The following CD180 variants were observed in gnomAD, a reference collection of about 807,000 sequenced individuals.
CD180 encodes the protein CD180 antigen.
A neutral mutation model predicts 10.7 loss-of-function variants in CD180; 11 were observed. That is an observed-to-expected ratio of 1.03 (90% CI 0.65 to 1.70). CD180 has a LOEUF of 1.70. Among genes scored for constraint, CD180 ranks in the 40% most tolerant of loss-of-function variants. CD180 has a pLI of 0.00. For missense variants in CD180, 729 were observed against 775.2 expected (o/e 0.94, Z 0.71); for synonymous variants, 286 against 294.6 (o/e 0.97, Z 0.30).
chr5:67,186,719 TATG>T (rs1742201162), intron 1 of CD180, among the ~76,000 whole-genome samples: 1 of 152,242 alleles, frequency 6.6e-6, no homozygotes, highest in Non-Finnish European at 1.5e-5. Context: ...CAGCATTGTC[TATG>T]AAGTATTCTT....
Position 67,184,143 on chromosome 5 carries a change from T to A in CD180, c.700A>T (p.Asn234Tyr). ...AGACCATTGAATATAACAGACAAAT[T>A]TGGAGTTCCTCCAAAGTTCAAACTT... is the stretch of plus-strand genomic sequence containing the variant. Reference protein sequence around the residue: ...FQSLNFGGTPNLSVIFNGLQN... With the variant: ...FQSLNFGGTPYLSVIFNGLQN... The change falls in exon 3 of 3, where the codon AAT becomes TAT. Residue 234 changes from asparagine (N) to tyrosine (Y), a missense_variant. Transcript: ENST00000256447. 1 of 1,614,098 alleles carries A rather than the reference T, an allele frequency of 6.2e-7. No individual in the cohort carries two copies. The highest frequency in any genetic ancestry group is 8.5e-7 in the Non-Finnish European group (1 of 1,180,002).
In CD180 at chr5:67,184,249, C is replaced by T; in HGVS notation, c.594G>A (p.Gln198=). The change falls in exon 3 of 3, where the codon CAG becomes CAA. Residue 198 remains glutamine (Q), a synonymous_variant. Coordinates refer to ENST00000256447, the MANE Select transcript of CD180 (RefSeq NM_005582.3). ...ISREDMRSLE[Q]AINLSLNFNG... ...TGAAGTTCAGGCTTAGGTTGATGGC[C>T]TGCTCCAGAGACCTCATGTCTTCTC... 1 of 1,614,060 alleles carries T rather than the reference C, an allele frequency of 6.2e-7. No homozygotes were observed. Among genetic ancestry groups the T allele is most frequent in the Non-Finnish European group, 8.5e-7 (1 of 1,179,970 alleles).
At chr5:67,196,110 A>T (rs546750686) in intron 1 of CD180, among the ~76,000 whole-genome samples, 3 of 152,334 alleles carry the variant, frequency 2.0e-5, no homozygotes, top group East Asian at 3.9e-4. Context: ...ATTCAGAGTG[A>T]TCTTTTCAAT....
Position 67,182,816 on chromosome 5 carries a change from T to C in CD180, c.*41A>G, listed in dbSNP as rs5744528. 1,986 of 1,516,024 alleles carry C rather than the reference T, an allele frequency of 1.3e-3. 31 individuals carry two copies. The African/African-American group carries it at 0.025, about 19-fold the overall frequency. 93.9% of individuals were successfully genotyped at this position (1,516,024 alleles called of 1,614,324 possible). ...ACAGTTCTTTCACTTAGAGCAATTT[T>C]GCTAAGCACACTTATTTGCTTTCTC... On this transcript the variant is annotated 3_prime_UTR_variant, in exon 3 of 3. Coordinates refer to ENST00000256447, the MANE Select transcript of CD180 (RefSeq NM_005582.3).
At position 67,183,843 on chromosome 5, in the gene CD180, C is replaced by G. The variant is rs376887530; in HGVS notation, c.1000G>C (p.Asp334His). Residue 334 changes from aspartate (D) to histidine (H), a missense_variant, in exon 3 of 3, where the codon GAT becomes CAT. Coordinates refer to ENST00000256447, the MANE Select transcript of CD180 (RefSeq NM_005582.3). ...GCAGCACTGATTTGACACAATTGAT[C>G]GAAATGATTTACACTGAGAACTAAT... is the stretch of plus-strand genomic sequence containing the variant. Reference protein sequence around the residue: ...KKLVLSVNHFDQLCQISAANF... With the variant: ...KKLVLSVNHFHQLCQISAANF... 1.2e-6 allele frequency: 2 copies of G among 1,614,174 alleles called. No homozygotes were observed. Among genetic ancestry groups the G allele is most frequent in the African/African-American group, 2.7e-5 (2 of 75,042 alleles).
At position 67,184,337 on chromosome 5, in the gene CD180, T is replaced by A. The variant is rs761349984; in HGVS notation, c.506A>T (p.Asp169Val). ...NHISSIKFPK[D>V]FPARNLKVLD... ...TACTTTCAGATTCCGTGCTGGGAAG[T>A]CTTTGGGGAACTTAATGGAGGAAAT... Residue 169 changes from aspartate (D) to valine (V), a missense_variant, in exon 3 of 3, where the codon GAC (aspartate) becomes GTC (valine). Coordinates refer to ENST00000256447, the MANE Select transcript of CD180 (RefSeq NM_005582.3). 6.8e-6 allele frequency: 11 copies of A among 1,614,186 alleles called. No individual in the cohort carries two copies. The highest frequency in any genetic ancestry group is 7.6e-6 in the Non-Finnish European group (9 of 1,180,010).
chr5:67,184,763 C>T (rs765520827), intron 2 of CD180, among the ~76,000 whole-genome samples, 178 bp from the exon 3 acceptor site: 4 of 152,078 alleles, frequency 2.6e-5, no homozygotes, highest in Non-Finnish European at 5.9e-5. Context: ...CTTCTGAACA[C>T]GCCAATCTAG....
chr5:67,187,815 C>T (rs941635647), intron 1 of CD180, among the ~76,000 whole-genome samples: 1 of 152,006 alleles, frequency 6.6e-6, no homozygotes, highest in African/African-American at 2.4e-5. Context: ...GAGGTGAGGC[C>T]TTTGGGAGGT....
At chr5:67,195,497 G>A (rs1416044180) in intron 1 of CD180, among the ~76,000 whole-genome samples, 2 of 152,218 alleles carry the variant, frequency 1.3e-5, no homozygotes, top group African/African-American at 2.4e-5. Context: ...GATTATAGGC[G>A]TGAGCCACCA....
chr5:67,180,558 G>A lies in CD180; in HGVS notation c.*2299C>T, dbSNP rs1343600647. On this transcript the variant is annotated 3_prime_UTR_variant, in exon 3 of 3. Transcript: ENST00000256447. ...GGGGTGAGGCCTGGGAATCCATTTT[G>A]TAAAAACTTCCCTAGGAGATGCCAG... 1.3e-5 allele frequency: 2 copies of A among 152,180 alleles called. No homozygotes were observed. The highest frequency in any genetic ancestry group is 4.8e-5 in the African/African-American group (2 of 41,436). The allele number at this position is 152,180 out of a possible 1,614,324, so 9.4% of individuals were successfully genotyped here. A position where few individuals can be genotyped will look rare whatever the true frequency, so the allele number is the denominator to read the frequency against.
At position 67,182,776 on chromosome 5, in the gene CD180, G is replaced by A. The variant is rs1293279602; in HGVS notation, c.*81C>T. ...GGAAGCAATCTGAAAAGTCTGGTCT[G>A]GTCACCAGCAGATGACAGTTCTTTC... On this transcript the variant is annotated 3_prime_UTR_variant, in exon 3 of 3. Coordinates refer to ENST00000256447, the MANE Select transcript of CD180 (RefSeq NM_005582.3). 1.1e-5 allele frequency: 13 copies of A among 1,184,248 alleles called. No individual in the cohort carries two copies. The East Asian group carries it at 3.1e-4, about 29-fold the overall frequency. The allele number at this position is 1,184,248 out of a possible 1,614,324, so 73.4% of individuals were successfully genotyped here. A position where few individuals can be genotyped will look rare whatever the true frequency, so the allele number is the denominator to read the frequency against.
rs370285296 is a variant in CD180 at position 67,183,111 on chromosome 5, G to C, written c.1732C>G (p.Pro578Ala). Reference sequence around the variant, plus strand: ...ATATTCGAGCAAGTGCAGTCCAGGGGGTTATGACTTAAATTAATGGTGCTC... The same window carrying C: ...ATATTCGAGCAAGTGCAGTCCAGGGCGTTATGACTTAAATTAATGGTGCTC... The part of the protein sequence containing the change: ...QQSTINLSHN[P>A]LDCTCSNIHF... The change falls in exon 3 of 3, where the codon CCC becomes GCC. Residue 578 changes from proline to alanine, a missense_variant. Physicochemically the swap from Pro to Ala is conservative, Grantham distance 27 (BLOSUM62 -1). Transcript: ENST00000256447. 1 of 1,610,662 alleles carries C rather than the reference G, an allele frequency of 6.2e-7. No homozygotes were observed. The highest frequency in any genetic ancestry group is 1.3e-5 in the African/African-American group (1 of 74,776).
At chr5:67,191,008 A>G in intron 1 of CD180, 1 of 985,270 alleles carries the variant, frequency 1.0e-6, no homozygotes, top group Non-Finnish European at 1.2e-6. Context: ...TGGGACACTG[A>G]CCTCCAACGC....
rs759636531 is a variant in CD180 at position 67,183,889 on chromosome 5, C to T, written c.954G>A (p.Lys318=). ...CTAATTTCTTGAGCAAGTTCAGACCCTTCATCCCAGAGGGTAACCCTTTCA... is the reference window on the plus strand; with the variant it reads ...CTAATTTCTTGAGCAAGTTCAGACCTTTCATCCCAGAGGGTAACCCTTTCA... The part of the protein sequence containing the change: ...THLKGLPSGM[K]GLNLLKKLVL... The change falls in exon 3 of 3, where the codon AAG becomes AAA. Residue 318 remains lysine (K), a synonymous_variant. Transcript: ENST00000256447. 6.2e-7 allele frequency: 1 copy of T among 1,614,204 alleles called. No homozygotes were observed. Among genetic ancestry groups the T allele is most frequent in the Non-Finnish European group, 8.5e-7 (1 of 1,180,032 alleles).
chr5:67,194,706 G>C (rs550702850), intron 1 of CD180, among the ~76,000 whole-genome samples: 77 of 152,208 alleles, frequency 5.1e-4, no homozygotes, highest in Non-Finnish European at 9.6e-4. Flanking sequence ...CAGTGGGCAG[G>C]AAGAACTTGT....
chr5:67,193,582 T>C (rs993454911), intron 1 of CD180, among the ~76,000 whole-genome samples: 5 of 152,216 alleles, frequency 3.3e-5, no homozygotes, highest in Non-Finnish European at 4.4e-5. Context: ...GATCTGATGC[T>C]AACTGAATAG....
chr5:67,189,364 G>C (rs1396269906), intron 1 of CD180, among the ~76,000 whole-genome samples: 1 of 152,208 alleles, frequency 6.6e-6, no homozygotes, highest in Non-Finnish European at 1.5e-5. Context: ...CTTGAAAATA[G>C]AAAGCAGGTA....
At chr5:67,186,088 T>C (rs1042423581) in intron 1 of CD180, 71 bp from the exon 2 acceptor site, 4 of 982,594 alleles carry the variant, frequency 4.1e-6, no homozygotes, top group Non-Finnish European at 5.8e-6. Flanking sequence ...AAATTATATA[T>C]GTTTTACCTT....
chr5:67,191,361 G>A (rs1742300818), intron 1 of CD180, among the ~76,000 whole-genome samples: 1 of 152,186 alleles, frequency 6.6e-6, no homozygotes, highest in Non-Finnish European at 1.5e-5. Context: ...CACTAAACAA[G>A]AAGAGTTAGC....
Sources: gnomAD v4.1 joint callset for allele counts (sites outside exome capture counted in the v4.1 genomes callset) on GRCh38, gnomAD v4.1.1 for gene constraint, MANE v1.5 for transcripts, NCBI Gene and HGNC (gene_info 2026-07-23, HGNC 2026-07-21) for gene names.